Variants in CCDC34 observed in about 807,000 individuals in gnomAD.
CCDC34 encodes the protein coiled-coil domain containing 34.
CCDC34 carries 40 observed loss-of-function variants against 44.1 expected under a neutral mutation model. That is an observed-to-expected ratio of 0.91 (90% confidence interval 0.70 to 1.18). The LOEUF is 1.18. CCDC34 is among the 50% of genes most tolerant of loss of function. The pLI is 0.00. For synonymous variants in CCDC34, 159 were observed against 158.2 expected (o/e 1.01, Z -0.04); for missense variants, 466 against 452.3 (o/e 1.03, Z -0.28).
At chr11:27,357,286 T>C (rs1304350287) in intron 2 of CCDC34, 117 bp downstream of exon 2, 7 of 951,170 alleles carry the variant, frequency 7.4e-6, no homozygotes, top group Non-Finnish European at 1.1e-5. Flanking sequence ...TATAGTAAAC[T>C]AACATAAATG....
rs569789249 is a variant in CCDC34, at chr11:27,353,084, G to A, written c.499-2645C>T. On this transcript the variant is annotated intron_variant, in intron 2 of 5. Transcript: ENST00000328697. ...TACAGATAGCTATTAATATTTTCCC[G>A]TGGAATACAACACTTGATTATGGAA... Among the ~76,000 whole-genome samples, 52 of 152,200 alleles carry A rather than the reference G, an allele frequency of 3.4e-4. No homozygotes were observed. The South Asian group carries it at 4.4e-3, about 13-fold the overall frequency.
intron 3 of CCDC34, among the ~76,000 whole-genome samples, chr11:27,347,669 GC>G (rs752938340): frequency 3.3e-5 from 5 of 151,852 alleles, no homozygotes; most frequent in Non-Finnish European, 5.9e-5. Flanking sequence ...TATAGAAAAG[GC>G]AACTCTAATC....
At chr11:27,362,381 A>G (rs538414009) in intron 1 of CCDC34, among the ~76,000 whole-genome samples, 1 of 152,318 alleles carries the variant, frequency 6.6e-6, no homozygotes, top group South Asian at 2.1e-4. Flanking sequence ...TATGTTATAA[A>G]AAGTGACCTG....
intron 3 of CCDC34, among the ~76,000 whole-genome samples, chr11:27,348,575 C>G (rs1207387163): frequency 1.3e-5 from 2 of 152,062 alleles, no homozygotes; most frequent in African/African-American, 4.8e-5. Context: ...TTCTTTGTGT[C>G]TGATTTTTTG....
intron 4 of CCDC34, 49 bp from the exon 5 acceptor site, chr11:27,340,886 C>T (rs112925796): frequency 5.1e-6 from 8 of 1,555,046 alleles, no homozygotes; most frequent in Non-Finnish European, 7.0e-6. Context: ...TGTAACTATA[C>T]ATTCCATTCA....
Position 27,363,071 on chromosome 11 carries a change from C to T in CCDC34, c.124G>A (p.Gly42Arg). The T allele has an allele frequency of 6.2e-7, 1 of 1,612,338 alleles. No homozygotes were observed. The highest frequency in any genetic ancestry group is 8.5e-7 in the Non-Finnish European group (1 of 1,179,216). Residue 42 changes from glycine (G) to arginine (R), a missense_variant, in exon 1 of 6, where the codon GGG becomes AGG. By Grantham distance (125) the Gly-to-Arg change is moderately radical. Coordinates refer to ENST00000328697, the MANE Select transcript of CCDC34 (RefSeq NM_030771.2). The part of the protein sequence containing the change: ...SCSVPMTGAR[G>R]QGLEVVRSPS... The stretch of plus-strand genomic sequence containing the variant: ...GAGCGCACCACCTCCAGCCCCTGCC[C>T]ACGTGCGCCCGTCATAGGGACTGAG...
rs763634655 is a variant in CCDC34 at position 27,357,445 on chromosome 11, T to C, written c.456A>G (p.Lys152=). ...GCAGCCGGTCACGTTCTTCTTTTTC[T>C]TTGCCAATAAACCACACCTCCCATG... The part of the protein sequence containing the change: ...LTPWEVWFIG[K]EKEERDRLQL... The change falls in exon 2 of 6, where the codon AAA becomes AAG. Residue 152 remains lysine, a synonymous_variant. Coordinates refer to ENST00000328697, the MANE Select transcript of CCDC34 (RefSeq NM_030771.2). 4 of 1,614,022 alleles carry C rather than the reference T, an allele frequency of 2.5e-6. No individual in the cohort carries two copies. The highest frequency in any genetic ancestry group is 2.2e-5 in the East Asian group (1 of 44,870).
rs1433053131 is a variant in CCDC34 at position 27,350,371 on chromosome 11, T to C, written c.567A>G (p.Glu189=). ...TCTGAACCCATTCCTTGTGCTTTTC[T>C]TCAGCAATTATCTTTCTTTTTTCAC... ...EEREKRKIIA[E]EKHKEWVQKK... The change falls in exon 3 of 6, where the codon GAA becomes GAG. Residue 189 remains glutamate, a synonymous_variant. Transcript: ENST00000328697. 2 of 1,613,752 alleles carry C rather than the reference T, an allele frequency of 1.2e-6. No homozygotes were observed. The highest frequency in any genetic ancestry group is 1.7e-6 in the Non-Finnish European group (2 of 1,179,920).
chr11:27,360,462 G>A (rs963309080), intron 1 of CCDC34, among the ~76,000 whole-genome samples: 2 of 152,162 alleles, frequency 1.3e-5, no homozygotes, highest in South Asian at 4.1e-4. Flanking sequence ...TACCCGATTC[G>A]TTTTGCCAGT....
chr11:27,362,006 A>G (rs1043639814), intron 1 of CCDC34, among the ~76,000 whole-genome samples: 1 of 152,188 alleles, frequency 6.6e-6, no homozygotes, highest in African/African-American at 2.4e-5. Flanking sequence ...GAAAGAGAAC[A>G]TGATCTGTCT....
In CCDC34 at chr11:27,338,664, T is replaced by C. The variant is rs1473822592; in HGVS notation, c.*157A>G. 3.3e-5 allele frequency: 20 copies of C among 603,892 alleles called. No homozygotes were observed. Among genetic ancestry groups the C allele is most frequent in the East Asian group, 3.2e-4 (10 of 31,494 alleles). The allele number at this position is 603,892 out of a possible 1,614,324, so 37.4% of individuals were successfully genotyped here. On this transcript the variant is annotated 3_prime_UTR_variant, in exon 6 of 6. Transcript: ENST00000328697. ...TTTATAAAAACCAAAATCCAGAAAA[T>C]ATCTTCCTCAACTCTAAGGACTCCA...
In CCDC34 at chr11:27,355,499, G is replaced by T. The variant is rs532281588; in HGVS notation, c.498+1904C>A. Reference sequence around the variant, plus strand: ...ATACACCCCAATTCTGAAAATAAATGAAAAAGCTTTAAGAAGACTATGAAT... The same window carrying T: ...ATACACCCCAATTCTGAAAATAAATTAAAAAGCTTTAAGAAGACTATGAAT... On this transcript the variant is annotated intron_variant, in intron 2 of 5. Transcript: ENST00000328697. 2.3e-4 allele frequency among the ~76,000 whole-genome samples: 35 copies of T among 152,140 alleles called. 1 individual carries two copies. The highest frequency in any genetic ancestry group is 8.4e-4 in the African/African-American group (35 of 41,526).
Position 27,363,132 on chromosome 11 carries a change from G to C in CCDC34, c.63C>G (p.Asp21Glu), listed in dbSNP as rs756092476. 1.3e-6 allele frequency: 2 copies of C among 1,549,098 alleles called. No homozygotes were observed. Among genetic ancestry groups the C allele is most frequent in the South Asian group, 2.4e-5 (2 of 82,020 alleles). The change falls in exon 1 of 6, where the codon GAC becomes GAG. Residue 21 changes from aspartate (D) to glutamate (E), a missense_variant. Physicochemically the swap from Asp to Glu is conservative, Grantham distance 45 (BLOSUM62 2). Coordinates refer to ENST00000328697, the MANE Select transcript of CCDC34 (RefSeq NM_030771.2). ...FPSSYAGFSA[D>E]CRPRSRPSSD... is the part of the protein sequence containing the mutation. ...AGGAGGGCCGAGACCTGGGTCTGCAGTCAGCAGAGAAACCGGCGTAGGAAG... is the reference window on the plus strand; with the variant it reads ...AGGAGGGCCGAGACCTGGGTCTGCACTCAGCAGAGAAACCGGCGTAGGAAG...
At chr11:27,341,044 C>T (rs903309191) in intron 4 of CCDC34, among the ~76,000 whole-genome samples, 3 of 151,982 alleles carry the variant, frequency 2.0e-5, no homozygotes, top group Non-Finnish European at 4.4e-5. Flanking sequence ...AACAATAAGA[C>T]ATCAAACCCA....
At chr11:27,354,788 G>A (rs1299538476) in intron 2 of CCDC34, among the ~76,000 whole-genome samples, 1 of 151,742 alleles carries the variant, frequency 6.6e-6, no homozygotes, top group African/African-American at 2.4e-5. Context: ...GAGGAGGGGA[G>A]GTCAAAGCTG....
chr11:27,341,125 T>C (rs1241620536), intron 4 of CCDC34, among the ~76,000 whole-genome samples: 2 of 152,138 alleles, frequency 1.3e-5, no homozygotes, highest in Admixed American at 6.5e-5. Context: ...TCCCATAAAA[T>C]GCACTGAAAA....
At chr11:27,348,653 T>G (rs968078153) in intron 3 of CCDC34, among the ~76,000 whole-genome samples, 1 of 152,090 alleles carries the variant, frequency 6.6e-6, no homozygotes, top group Admixed American at 6.6e-5. Flanking sequence ...TGAATGAAGC[T>G]GGAGGCAGCT....
chr11:27,358,014 G>A (rs1212147458), intron 1 of CCDC34, among the ~76,000 whole-genome samples: 1 of 152,196 alleles, frequency 6.6e-6, no homozygotes. Flanking sequence ...AGGGACTGTG[G>A]GTGAAGGGTA....
intron 2 of CCDC34, among the ~76,000 whole-genome samples, chr11:27,356,159 C>T (rs1862574156): frequency 6.6e-6 from 1 of 151,644 alleles, no homozygotes; most frequent in Non-Finnish European, 1.5e-5. Context: ...GCTGGGATTA[C>T]AGGCATGCAC....
Sources: allele counts gnomAD v4.1 joint callset (sites outside exome capture counted in the v4.1 genomes callset), GRCh38; gene constraint gnomAD v4.1.1; transcripts MANE v1.5; gene names NCBI Gene and HGNC (gene_info 2026-07-23, HGNC 2026-07-21).